PLEKHH2: variants seen among roughly 807,000 people sequenced by gnomAD.
PLEKHH2 encodes pleckstrin homology, MyTH4 and FERM domain containing H2, also known as pleckstrin homology domain-containing family H member 2.
PLEKHH2 carries 129 observed loss-of-function variants against 187.9 expected under a neutral mutation model. The ratio of observed to expected loss-of-function variants is 0.69; its 90% CI spans 0.59 to 0.79. PLEKHH2 has a LOEUF of 0.79. Ranked by LOEUF, PLEKHH2 falls within the 30% of genes least tolerant of loss-of-function variation. The pLI is 0.00. For missense variants in PLEKHH2, 2,076 were observed against 1,751.2 expected (o/e 1.19, Z -3.31); for synonymous variants, 686 against 605.6 (o/e 1.13, Z -1.95).
At chr2:43,741,837 C>T (rs1482925027) in intron 21 of PLEKHH2, among the ~76,000 whole-genome samples, 1 of 152,082 alleles carries the variant, frequency 6.6e-6, no homozygotes, top group Admixed American at 6.5e-5. Flanking sequence ...TATCAATCTG[C>T]TTGAATAAGC....
chr2:43,743,971 T>C lies in PLEKHH2; in HGVS notation c.3537T>C (p.Cys1179=), dbSNP rs1324656026. The C allele has an allele frequency of 2.5e-6, 4 of 1,613,746 alleles. No homozygotes were observed. The highest frequency in any genetic ancestry group is 2.7e-5 in the African/African-American group (2 of 74,896). The change falls in exon 23 of 30, where the codon TGT becomes TGC. Residue 1179 remains cysteine, a synonymous_variant. Transcript: ENST00000282406. ...CTTCTGGCAGAGATTTAGAGCATTG[T>C]CTTCAAGGAAACATCAAGGTGAAAC... ...DDPSGRDLEH[C]LQGNIKICDI... is the part of the protein sequence containing the mutation.
At chr2:43,644,005 T>C (rs1666069710) in intron 1 of PLEKHH2, among the ~76,000 whole-genome samples, 1 of 152,140 alleles carries the variant, frequency 6.6e-6, no homozygotes, top group Non-Finnish European at 1.5e-5. Context: ...ATTGCATGTA[T>C]ATGTGCCTTC....
chr2:43,741,614 C>G (rs1671564369), intron 21 of PLEKHH2, among the ~76,000 whole-genome samples: 1 of 152,080 alleles, frequency 6.6e-6, no homozygotes, highest in African/African-American at 2.4e-5. Flanking sequence ...AACTCTTGGA[C>G]TAAAGCAAAC....
At chr2:43,652,344 C>T (rs1475326123) in intron 2 of PLEKHH2, among the ~76,000 whole-genome samples, 1 of 152,156 alleles carries the variant, frequency 6.6e-6, no homozygotes, top group African/African-American at 2.4e-5. Flanking sequence ...CTCTGCAGGG[C>T]ATTTGGCCCT....
At chr2:43,705,451 T>C (rs1052947505) in intron 9 of PLEKHH2, among the ~76,000 whole-genome samples, 10 of 151,384 alleles carry the variant, frequency 6.6e-5, no homozygotes, top group Non-Finnish European at 1.3e-4. Context: ...GAGATGGGGG[T>C]CTCACTGTGT....
intron 7 of PLEKHH2, among the ~76,000 whole-genome samples, chr2:43,697,562 T>G (rs1211070884): frequency 1.3e-5 from 2 of 152,240 alleles, no homozygotes; most frequent in African/African-American, 4.8e-5. Context: ...TAGGAGAAAC[T>G]GATTTTTCCT....
intron 3 of PLEKHH2, 105 bp downstream of exon 3, chr2:43,679,030 C>A: frequency 1.5e-6 from 1 of 677,868 alleles, no homozygotes; most frequent in Non-Finnish European, 2.6e-6. Context: ...TACATCTTAT[C>A]TTTTTGACTG....
At chr2:43,708,925 C>T (rs1438125671) in intron 11 of PLEKHH2, among the ~76,000 whole-genome samples, 1 of 152,168 alleles carries the variant, frequency 6.6e-6, no homozygotes, top group East Asian at 1.9e-4. Flanking sequence ...AAATAAAAAG[C>T]AGTGTCACAA....
chr2:43,739,560 G>T (rs1370399217), intron 20 of PLEKHH2, among the ~76,000 whole-genome samples: 1 of 152,178 alleles, frequency 6.6e-6, no homozygotes, highest in African/African-American at 2.4e-5. Context: ...CTTGAAAATG[G>T]ATTACTTTTG....
chr2:43,695,282 C>T (rs1179045441), intron 6 of PLEKHH2, 58 bp downstream of exon 6: 2 of 948,526 alleles, frequency 2.1e-6, no homozygotes, highest in Non-Finnish European at 3.0e-6. Context: ...TAGGCTTTTA[C>T]TTTTTTTGAT....
At chr2:43,677,126 C>A (rs1366315410) in intron 2 of PLEKHH2, among the ~76,000 whole-genome samples, 2 of 151,998 alleles carry the variant, frequency 1.3e-5, no homozygotes, top group Non-Finnish European at 2.9e-5. Flanking sequence ...ATGCAAAGAG[C>A]CTTTAATGTG....
At chr2:43,659,724 A>G (rs887239663) in intron 2 of PLEKHH2, among the ~76,000 whole-genome samples, 1 of 151,660 alleles carries the variant, frequency 6.6e-6, no homozygotes, top group African/African-American at 2.4e-5. Context: ...ATGCCTGGGT[A>G]ATTTTTGTAT....
chr2:43,684,276 A>G (rs1231519064), intron 3 of PLEKHH2, among the ~76,000 whole-genome samples: 1 of 145,498 alleles, frequency 6.9e-6, no homozygotes, highest in Non-Finnish European at 1.5e-5. Flanking sequence ...TCCTAGTAGC[A>G]TCTTTCTTTA....
At chr2:43,709,630 G>A (rs527716467) in intron 11 of PLEKHH2, among the ~76,000 whole-genome samples, 88 of 152,302 alleles carry the variant, frequency 5.8e-4, no homozygotes, top group Non-Finnish European at 9.1e-4. Context: ...GAGGTCAAGA[G>A]ATCGAGACCA....
At position 43,642,062 on chromosome 2, in the gene PLEKHH2, G is replaced by T. The variant is rs563186909; in HGVS notation, c.-3-2609G>T. Among the ~76,000 whole-genome samples, 57 of 152,304 alleles carry T rather than the reference G, an allele frequency of 3.7e-4. No homozygotes were observed. In the South Asian group the frequency reaches 0.012, roughly 32 times the overall value. On this transcript the variant is annotated intron_variant, in intron 1 of 29. Coordinates refer to ENST00000282406, the MANE Select transcript of PLEKHH2 (RefSeq NM_172069.4). The stretch of plus-strand genomic sequence containing the variant: ...TTGCATTGTGTGTATATAGCCATTT[G>T]CAAGTATTGCCATCTTCACAATATT...
intron 15 of PLEKHH2, among the ~76,000 whole-genome samples, chr2:43,718,076 T>C (rs1177473714): frequency 6.6e-6 from 1 of 152,198 alleles, no homozygotes; most frequent in Admixed American, 6.5e-5. Context: ...ATACTGTTTG[T>C]CTTCAAGATT....
In PLEKHH2 at chr2:43,697,076, A is replaced by C; in HGVS notation, c.503-95A>C. The C allele has an allele frequency of 2.9e-6, 3 of 1,022,372 alleles. No individual in the cohort carries two copies. The South Asian group carries it at 7.0e-5, about 24-fold the overall frequency. 63.3% of individuals were successfully genotyped at this position (1,022,372 alleles called of 1,614,324 possible). A position where few individuals can be genotyped will look rare whatever the true frequency, so the allele number is the denominator to read the frequency against. ...ACTTTAGGCTTTTTTTCTGGCATAAAGAGTGATTTGTTCAAGTTTTTATAT... is the reference window on the plus strand; with the variant it reads ...ACTTTAGGCTTTTTTTCTGGCATAACGAGTGATTTGTTCAAGTTTTTATAT... On this transcript the variant is annotated intron_variant, in intron 6 of 29. Transcript: ENST00000282406.
At chr2:43,710,939 G>A in intron 14 of PLEKHH2, 2 of 1,012,680 alleles carry the variant, frequency 2.0e-6, no homozygotes, top group Non-Finnish European at 2.4e-6. Flanking sequence ...TGAAATTCAG[G>A]AATGTTTGTA....
intron 19 of PLEKHH2, among the ~76,000 whole-genome samples, chr2:43,734,270 T>C (rs924502305): frequency 3.9e-5 from 6 of 152,242 alleles, no homozygotes; most frequent in Admixed American, 2.0e-4. Flanking sequence ...TCAGTCATTA[T>C]ATCACTATAT....
Sources: allele counts gnomAD v4.1 joint callset (sites outside exome capture counted in the v4.1 genomes callset), GRCh38; gene constraint gnomAD v4.1.1; transcripts MANE v1.5; gene names NCBI Gene and HGNC (gene_info 2026-07-23, HGNC 2026-07-21).